The following MIS18A variants were observed in gnomAD, a reference collection of about 807,000 sequenced individuals.
MIS18A encodes MIS18 kinetochore protein A.
In MIS18A, 14 loss-of-function variants were observed where a neutral mutation model predicts 25.0. The observed-to-expected ratio is 0.56, with a 90% CI of 0.37 to 0.88. MIS18A has a LOEUF of 0.88. MIS18A is among the 40% of genes least tolerant of loss of function. MIS18A has a pLI of 0.00. For missense variants in MIS18A, 292 were observed against 290.8 expected (o/e 1.00, Z -0.03); for synonymous variants, 134 against 118.6 (o/e 1.13, Z -0.84).
chr21:32,225,079 T>C, the MIS18A span, among the ~76,000 whole-genome samples: 1 of 127,760 alleles, frequency 7.8e-6, no homozygotes, highest in Admixed American at 8.1e-5. Context: ...TAGCCATATG[T>C]AGAAAGCTGA....
the MIS18A span, among the ~76,000 whole-genome samples, chr21:32,238,241 A>G: frequency 6.6e-6 from 1 of 152,192 alleles, no homozygotes; most frequent in Non-Finnish European, 1.5e-5. Context: ...AAGAATCCAC[A>G]TGGCTAAATT....
the MIS18A span, among the ~76,000 whole-genome samples, chr21:32,189,412 G>C: frequency 6.6e-6 from 1 of 152,156 alleles, no homozygotes; most frequent in South Asian, 2.1e-4. Context: ...CAGAGTAGCT[G>C]GGACCACAGG....
the MIS18A span, among the ~76,000 whole-genome samples, chr21:32,253,854 G>A: frequency 1.8e-4 from 28 of 152,194 alleles, no homozygotes; most frequent in African/African-American, 6.7e-4. Flanking sequence ...TGTATTCCTG[G>A]AGAAAGTCAA....
chr21:32,256,121 C>A, the MIS18A span, among the ~76,000 whole-genome samples: 1 of 151,978 alleles, frequency 6.6e-6, no homozygotes, highest in African/African-American at 2.4e-5. Context: ...TTTTTGATGT[C>A]TACTATGTTG....
chr21:32,243,343 T>G, the MIS18A span, among the ~76,000 whole-genome samples: 1 of 152,126 alleles, frequency 6.6e-6, no homozygotes, highest in Non-Finnish European at 1.5e-5. Context: ...AAAAAAGAGT[T>G]GGATCTAGAA....
In MIS18A at chr21:32,270,678, A is replaced by G. The variant is rs1167911129; in HGVS notation, c.402-149T>C. 5 of 754,030 alleles carry G rather than the reference A, an allele frequency of 6.6e-6. No individual in the cohort carries two copies. In the Admixed American group the frequency reaches 2.0e-4, roughly 30 times the overall value. The allele number at this position is 754,030 out of a possible 1,614,324, so 46.7% of individuals were successfully genotyped here. On this transcript the variant is annotated intron_variant, in intron 2 of 4. Transcript: ENST00000290130. ...TACATAAAGGATAGGAAAAAATGAT[A>G]GTAAGATATTTACAATAAAAATGTA... is the stretch of plus-strand genomic sequence containing the variant.
At chr21:32,161,434 C>T in the MIS18A span, among the ~76,000 whole-genome samples, 1 of 151,896 alleles carries the variant, frequency 6.6e-6, no homozygotes, top group Non-Finnish European at 1.5e-5. Context: ...TTGGGGGTGA[C>T]CATTTACTTA....
the MIS18A span, among the ~76,000 whole-genome samples, chr21:32,255,125 T>C: frequency 6.6e-6 from 1 of 152,214 alleles, no homozygotes; most frequent in African/African-American, 2.4e-5. Context: ...AAGATATTAA[T>C]AGTGGTTACT....
intron 4 of MIS18A, among the ~76,000 whole-genome samples, chr21:32,269,413 A>G (rs1241018947): frequency 6.6e-6 from 1 of 152,262 alleles, no homozygotes; most frequent in Non-Finnish European, 1.5e-5. Context: ...TATTTATACC[A>G]CAAGAATTGA....
chr21:32,181,168 C>A, the MIS18A span, among the ~76,000 whole-genome samples: 3 of 152,126 alleles, frequency 2.0e-5, no homozygotes, highest in Non-Finnish European at 4.4e-5. Flanking sequence ...TTAATTCTGC[C>A]TGACTGCCTG....
the MIS18A span, among the ~76,000 whole-genome samples, chr21:32,182,358 G>C: frequency 6.6e-6 from 1 of 152,062 alleles, no homozygotes; most frequent in Non-Finnish European, 1.5e-5. Context: ...ATTCAGGAAT[G>C]TTCCCATTTT....
the MIS18A span, among the ~76,000 whole-genome samples, chr21:32,241,017 G>A: frequency 6.6e-6 from 1 of 152,160 alleles, no homozygotes; most frequent in African/African-American, 2.4e-5. Flanking sequence ...TGAAACCGAA[G>A]CCTGTCAAGC....
rs777430882 is a variant in MIS18A, at chr21:32,269,672, C to T, written c.621+35G>A. ...AGCACTTCTTCACTGACAAACTGTT[C>T]ATACAAAGATATAAAATGTACAGAA... On this transcript the variant is annotated intron_variant, in intron 4 of 4. Coordinates refer to ENST00000290130, the MANE Select transcript of MIS18A (RefSeq NM_018944.3). 2.8e-5 allele frequency: 36 copies of T among 1,294,912 alleles called. No individual in the cohort carries two copies. In the Admixed American group the frequency reaches 5.6e-4, roughly 20 times the overall value. The allele number at this position is 1,294,912 out of a possible 1,614,324, so 80.2% of individuals were successfully genotyped here.
the MIS18A span, among the ~76,000 whole-genome samples, chr21:32,178,527 T>C: frequency 1.3e-5 from 2 of 152,220 alleles, no homozygotes; most frequent in Non-Finnish European, 2.9e-5. Context: ...TCTCCAATTC[T>C]AGGTTTACAA....
Position 32,278,757 on chromosome 21 carries a change from G to T in MIS18A, c.258C>A (p.Ser86=). The change falls in exon 1 of 5, where the codon TCC becomes TCA. Residue 86 remains serine, a synonymous_variant. Coordinates refer to ENST00000290130, the MANE Select transcript of MIS18A (RefSeq NM_018944.3). ...AEERPLVFLC[S]GCRRPLGDSL... is the part of the protein sequence containing the mutation. ...AGTCGCCCAGCGGCCGCCGGCAGCC[G>T]GAGCACAGGAACACCAGCGGCCTCT... 1 of 1,577,962 alleles carries T rather than the reference G, an allele frequency of 6.3e-7. No homozygotes were observed.
the MIS18A span, among the ~76,000 whole-genome samples, chr21:32,163,906 G>C: frequency 6.6e-6 from 1 of 152,068 alleles, no homozygotes; most frequent in Non-Finnish European, 1.5e-5. Flanking sequence ...AGAAACTTGG[G>C]GTCAGCATTT....
chr21:32,175,069 C>A, the MIS18A span, among the ~76,000 whole-genome samples: 765 of 152,228 alleles, frequency 5.0e-3, no homozygotes, highest in South Asian at 0.018. Context: ...GATAGTATAA[C>A]CTACTACACA....
the MIS18A span, among the ~76,000 whole-genome samples, chr21:32,236,878 G>A: frequency 6.6e-6 from 1 of 152,116 alleles, no homozygotes; most frequent in Non-Finnish European, 1.5e-5. Context: ...AATGGATATG[G>A]GGGTACAGTT....
chr21:32,219,067 C>CA, the MIS18A span, among the ~76,000 whole-genome samples: 335 of 84,180 alleles, frequency 4.0e-3, no homozygotes, highest in Admixed American at 0.01. Flanking sequence ...GACTCTGTCT[C>CA]AAAAAAAAAA....
Sources: gnomAD v4.1 joint callset for allele counts (sites outside exome capture counted in the v4.1 genomes callset) on GRCh38, gnomAD v4.1.1 for gene constraint, MANE v1.5 for transcripts, NCBI Gene and HGNC (gene_info 2026-07-23, HGNC 2026-07-21) for gene names.